Variants in RXFP1 observed in about 807,000 individuals in gnomAD.
RXFP1 encodes relaxin receptor 1.
RXFP1 carries 73 observed loss-of-function variants against 89.8 expected under a neutral mutation model. The ratio of observed to expected loss-of-function variants is 0.81; its 90% CI spans 0.67 to 0.99. The LOEUF is 0.99. RXFP1 is among the 50% of genes least tolerant of loss of function. The pLI is 0.00. For missense variants in RXFP1, 793 were observed against 895.5 expected (o/e 0.89, Z 1.46); for synonymous variants, 277 against 305.5 (o/e 0.91, Z 0.97).
At chr4:158,600,114 G>A (rs1761402019) in intron 4 of RXFP1, among the ~76,000 whole-genome samples, 1 of 152,154 alleles carries the variant, frequency 6.6e-6, no homozygotes, top group South Asian at 2.1e-4. Flanking sequence ...GAAATTAGTG[G>A]AGGACAGCTA....
chr4:158,568,650 T>C (rs1344865659), intron 1 of RXFP1, among the ~76,000 whole-genome samples: 1 of 152,242 alleles, frequency 6.6e-6, no homozygotes, highest in Non-Finnish European at 1.5e-5. Flanking sequence ...AAAAGATTAA[T>C]TTTGAATAAT....
At position 158,648,548 on chromosome 4, in the gene RXFP1, GT is replaced by G. The variant is rs1772014232; in HGVS notation, c.1810del (p.Tyr604IlefsTer8). 6.2e-7 allele frequency: 1 copy of G among 1,612,708 alleles called. No individual in the cohort carries two copies. Among genetic ancestry groups the G allele is most frequent in the African/African-American group, 1.3e-5 (1 of 74,872 alleles). On this transcript the variant is annotated frameshift_variant, in exon 17 of 18. Coordinates refer to ENST00000307765, the MANE Select transcript of RXFP1 (RefSeq NM_021634.4). LOFTEE classifies it high-confidence loss of function. Reference sequence around the variant, plus strand: ...TCATAGTTTTTTCCTATGGAAGCATGTTTTATAGTGTTCATCAAAGTGCCAT... The same window carrying G: ...TCATAGTTTTTTCCTATGGAAGCATGTTTATAGTGTTCATCAAAGTGCCAT... ...IIIVFSYGSMFYSVHQSAITA... is the reference protein window; with the variant it reads ...IIIVFSYGSMXYSVHQSAITA...
chr4:158,648,764 A>G lies in RXFP1; in HGVS notation c.1975+47A>G, dbSNP rs1324415650. On this transcript the variant is annotated intron_variant, in intron 17 of 17. Transcript: ENST00000307765. ...TTAAAGAAATAATAAATCTGTTTTTACAGTGTTCTTTTAAGGAAAACAATT... is the reference window on the plus strand; with the variant it reads ...TTAAAGAAATAATAAATCTGTTTTTGCAGTGTTCTTTTAAGGAAAACAATT... The G allele has an allele frequency of 2.6e-6, 3 of 1,168,912 alleles. No homozygotes were observed. In the African/African-American group the frequency reaches 4.7e-5, roughly 18 times the overall value. 72.4% of individuals were successfully genotyped at this position (1,168,912 alleles called of 1,614,324 possible). A position where few individuals can be genotyped will look rare whatever the true frequency, so the allele number is the denominator to read the frequency against.
intron 1 of RXFP1, among the ~76,000 whole-genome samples, chr4:158,527,047 A>G (rs1742675757): frequency 6.6e-6 from 1 of 152,224 alleles, no homozygotes; most frequent in Non-Finnish European, 1.5e-5. Context: ...ACATTTAGAC[A>G]GGGTGCTCAG....
At chr4:158,587,855 A>G (rs1257170330) in intron 2 of RXFP1, among the ~76,000 whole-genome samples, 1 of 152,174 alleles carries the variant, frequency 6.6e-6, no homozygotes, top group Non-Finnish European at 1.5e-5. Context: ...CTAGCACAAC[A>G]TGATGGGTAC....
At chr4:158,642,937 A>G (rs1770667863) in intron 14 of RXFP1, among the ~76,000 whole-genome samples, 2 of 152,202 alleles carry the variant, frequency 1.3e-5, no homozygotes, top group Non-Finnish European at 2.9e-5. Context: ...GTTTTAATAC[A>G]GTAGCTTGAG....
intron 3 of RXFP1, among the ~76,000 whole-genome samples, chr4:158,597,319 G>A (rs1760821353): frequency 1.3e-5 from 2 of 152,148 alleles, no homozygotes; most frequent in South Asian, 4.1e-4. Flanking sequence ...TCTATCATGA[G>A]CCAATAAATT....
At position 158,565,652 on chromosome 4, in the gene RXFP1, CAATTTG is replaced by C. The variant is rs1753404001; in HGVS notation, c.50-7044_50-7039del. Reference sequence around the variant, plus strand: ...TAGGTTAAAAGAGTTCCTACTGGTCCAATTTGAGACAACTTGCACATCAGAATACAT... The same window carrying C: ...TAGGTTAAAAGAGTTCCTACTGGTCCAGACAACTTGCACATCAGAATACAT... On this transcript the variant is annotated intron_variant, in intron 1 of 17. Coordinates refer to ENST00000307765, the MANE Select transcript of RXFP1 (RefSeq NM_021634.4). Among the ~76,000 whole-genome samples, 7 of 152,248 alleles carry C rather than the reference CAATTTG, an allele frequency of 4.6e-5. No individual in the cohort carries two copies. In the South Asian group the frequency reaches 1.5e-3, roughly 32 times the overall value.
At chr4:158,602,429 G>T (rs1361258921) in intron 4 of RXFP1, among the ~76,000 whole-genome samples, 1 of 152,032 alleles carries the variant, frequency 6.6e-6, no homozygotes, top group Non-Finnish European at 1.5e-5. Context: ...ATTCTTGCTT[G>T]TGCTATAGTG....
intron 3 of RXFP1, among the ~76,000 whole-genome samples, chr4:158,598,374 GAC>G (rs1196573672): frequency 2.0e-5 from 3 of 152,038 alleles, no homozygotes; most frequent in African/African-American, 4.8e-5. Flanking sequence ...TGGACATCTG[GAC>G]ACAGTCTACA....
At chr4:158,646,408 G>A in intron 15 of RXFP1, 1 of 1,033,692 alleles carries the variant, frequency 9.7e-7, no homozygotes, top group Non-Finnish European at 1.3e-6. Flanking sequence ...TTCAGTGGAA[G>A]AGCAGAACCA....
At chr4:158,546,067 T>G (rs1170380633) in intron 1 of RXFP1, among the ~76,000 whole-genome samples, 1 of 152,188 alleles carries the variant, frequency 6.6e-6, no homozygotes, top group East Asian at 1.9e-4. Context: ...CGATATTGAT[T>G]CTTCCTATCC....
chr4:158,568,516 A>T (rs978650482), intron 1 of RXFP1, among the ~76,000 whole-genome samples: 1 of 152,262 alleles, frequency 6.6e-6, no homozygotes, highest in Non-Finnish European at 1.5e-5. Flanking sequence ...TAAAAAATTA[A>T]TAAAGATATA....
chr4:158,638,388 A>G (rs1399501520), intron 13 of RXFP1, among the ~76,000 whole-genome samples: 3 of 152,148 alleles, frequency 2.0e-5, no homozygotes, highest in East Asian at 1.9e-4. Context: ...AACACTGGGT[A>G]TTTTATAATT....
chr4:158,640,721 A>T (rs1436326087), intron 14 of RXFP1, among the ~76,000 whole-genome samples: 1 of 152,204 alleles, frequency 6.6e-6, no homozygotes, highest in Admixed American at 6.5e-5. Flanking sequence ...AAATATCCAA[A>T]CTATATCACA....
chr4:158,617,593 A>G (rs536628373), intron 9 of RXFP1, among the ~76,000 whole-genome samples: 1 of 152,146 alleles, frequency 6.6e-6, no homozygotes, highest in East Asian at 1.9e-4. Flanking sequence ...AATAATAAGA[A>G]TATGATATTT....
chr4:158,527,387 A>T (rs1265942638), intron 1 of RXFP1, among the ~76,000 whole-genome samples: 1 of 151,316 alleles, frequency 6.6e-6, no homozygotes, highest in African/African-American at 2.4e-5. Context: ...TACTAAAAAT[A>T]CAGAAGTTAG....
chr4:158,554,701 G>A (rs1367393629), intron 1 of RXFP1, among the ~76,000 whole-genome samples: 1 of 151,390 alleles, frequency 6.6e-6, no homozygotes, highest in Non-Finnish European at 1.5e-5. Context: ...ACACTTTTGA[G>A]ACTGGGGGCA....
At chr4:158,626,600 G>A (rs147439285) in intron 9 of RXFP1, among the ~76,000 whole-genome samples, 542 of 151,892 alleles carry the variant, frequency 3.6e-3, no homozygotes, top group Admixed American at 7.3e-3. Flanking sequence ...TGATACAGAT[G>A]GGACGCAAAA....
Sources: gnomAD v4.1 joint callset for allele counts (sites outside exome capture counted in the v4.1 genomes callset) on GRCh38, gnomAD v4.1.1 for gene constraint, MANE v1.5 for transcripts, NCBI Gene and HGNC (gene_info 2026-07-23, HGNC 2026-07-21) for gene names.